The following NCOR1 variants were observed in gnomAD, a reference collection of about 807,000 sequenced individuals.
NCOR1 encodes the protein protein phosphatase 1, regulatory subunit 109.
Under a neutral mutation model 288.1 loss-of-function variants are expected in NCOR1, and 63 were observed. That is an observed-to-expected ratio of 0.22 (90% CI 0.18 to 0.27). The LOEUF (loss-of-function observed/expected upper bound fraction) is 0.27. Ranked by LOEUF, NCOR1 falls within the 10% of genes least tolerant of loss-of-function variation. The pLI is 1.00. For synonymous variants in NCOR1, 1,007 were observed against 1,065.9 expected (o/e 0.94, Z 1.08); for missense variants, 2,397 against 3,019.2 (o/e 0.79, Z 4.83).
Position 16,086,272 on chromosome 17 carries a change from G to A in NCOR1, c.3177+10C>T. ...AACAAGAAATCTACTGTAAAGAGAA[G>A]TCGTTTCACCTGTGAGATGGAGCCT... On this transcript the variant is annotated intron_variant, in intron 23 of 45. Transcript: ENST00000268712. 6.2e-7 allele frequency: 1 copy of A among 1,612,392 alleles called. No homozygotes were observed. Among genetic ancestry groups the A allele is most frequent in the Non-Finnish European group, 8.5e-7 (1 of 1,179,082 alleles).
At chr17:16,172,943 A>G (rs1337180398) in intron 3 of NCOR1, among the ~76,000 whole-genome samples, 1 of 152,144 alleles carries the variant, frequency 6.6e-6, no homozygotes, top group Admixed American at 6.5e-5. Context: ...TGAATGCTAA[A>G]TTCTTTTTTT....
intron 42 of NCOR1, 195 bp from the exon 43 acceptor site, chr17:16,040,689 C>A (rs1424027921): frequency 1.6e-6 from 1 of 608,134 alleles, no homozygotes; most frequent in Non-Finnish European, 3.0e-6. Context: ...GTTGCCCAGG[C>A]TATTTTTAAA....
rs952379999 is a variant in NCOR1 at position 16,165,338 on chromosome 17, G to C, written c.436-177C>G. 3.7e-4 allele frequency among the ~76,000 whole-genome samples: 57 copies of C among 152,120 alleles called. 1 individual carries two copies. Among genetic ancestry groups the C allele is most frequent in the African/African-American group, 1.3e-3 (55 of 41,406 alleles). Reference sequence around the variant, plus strand: ...TGCAAATTCTCACCTCACTTTTATAGTTTAGATATACCATGTACTATTTTG... The same window carrying C: ...TGCAAATTCTCACCTCACTTTTATACTTTAGATATACCATGTACTATTTTG... On this transcript the variant is annotated intron_variant, in intron 4 of 45. Transcript: ENST00000268712.
At chr17:16,035,552 T>TA (rs1328195947) in intron 44 of NCOR1, among the ~76,000 whole-genome samples, 4 of 147,098 alleles carry the variant, frequency 2.7e-5, no homozygotes, top group Non-Finnish European at 4.5e-5. Context: ...TTTTTTTTTT[T>TA]AAGGCAGGGT....
intron 21 of NCOR1, among the ~76,000 whole-genome samples, chr17:16,094,028 C>T (rs934517272): frequency 6.6e-6 from 1 of 152,046 alleles, no homozygotes; most frequent in Non-Finnish European, 1.5e-5. Context: ...CCACCTCAGC[C>T]TCCCAACCAC....
At chr17:16,098,687 TAAAG>T in intron 20 of NCOR1, 191 bp from the exon 21 acceptor site, 2 of 418,828 alleles carry the variant, frequency 4.8e-6, no homozygotes, top group Non-Finnish European at 8.3e-6. Context: ...ATTTTCCAGA[TAAAG>T]AAACTGAATA....
At chr17:16,164,061 A>C (rs2081472417) in intron 5 of NCOR1, among the ~76,000 whole-genome samples, 1 of 152,100 alleles carries the variant, frequency 6.6e-6, no homozygotes, top group African/African-American at 2.4e-5. Context: ...TTCTAGAATT[A>C]GAGAGTGGTG....
At chr17:16,098,572 TAAG>T in intron 20 of NCOR1, 76 bp from the exon 21 acceptor site, 3 of 1,329,788 alleles carry the variant, frequency 2.3e-6, no homozygotes, top group Non-Finnish European at 3.1e-6. Flanking sequence ...TAAGTTCTTC[TAAG>T]TTAGTATGTA....
intron 3 of NCOR1, among the ~76,000 whole-genome samples, chr17:16,183,976 A>C (rs1444999949): frequency 6.6e-6 from 1 of 152,210 alleles, no homozygotes; most frequent in African/African-American, 2.4e-5. Context: ...ACAGCAACAC[A>C]GTGGGGAAAG....
chr17:16,107,657 C>T (rs1320265848), intron 19 of NCOR1, among the ~76,000 whole-genome samples: 1 of 152,154 alleles, frequency 6.6e-6, no homozygotes, highest in Non-Finnish European at 1.5e-5. Flanking sequence ...GGAATACTAG[C>T]CACCAGAAAC....
intron 31 of NCOR1, among the ~76,000 whole-genome samples, chr17:16,069,905 A>G (rs2061551438): frequency 6.6e-6 from 1 of 152,216 alleles, no homozygotes; most frequent in Non-Finnish European, 1.5e-5. Context: ...ATTGGCTGAA[A>G]ATCCACTCTA....
intron 14 of NCOR1, among the ~76,000 whole-genome samples, chr17:16,127,379 A>ATACATATATGTATATG (rs2074551332): frequency 2.9e-5 from 1 of 34,816 alleles, no homozygotes; most frequent in African/African-American, 8.5e-5. Flanking sequence ...GTATGTATAT[A>ATACATATATGTATATG]TGTATGTATA....
At position 16,058,467 on chromosome 17, in the gene NCOR1, A is replaced by G. The variant is rs1275053171; in HGVS notation, c.6010+4T>C. 1 of 1,611,880 alleles carries G rather than the reference A, an allele frequency of 6.2e-7. No individual in the cohort carries two copies. ...CATGTAAATGGTAGCTTAAGAAGAC[A>G]TACTTTCCGCTTGATTTGCCTTAAC... On this transcript the variant is annotated splice_donor_region_variant and intron_variant, in intron 38 of 45. Transcript: ENST00000268712.
intron 44 of NCOR1, among the ~76,000 whole-genome samples, chr17:16,038,254 C>T (rs1157482488): frequency 6.6e-6 from 1 of 152,046 alleles, no homozygotes; most frequent in Admixed American, 6.6e-5. Flanking sequence ...AAGATTAAAG[C>T]TTAGGATTAT....
At chr17:16,094,759 G>A (rs1220458522) in intron 21 of NCOR1, among the ~76,000 whole-genome samples, 1 of 152,234 alleles carries the variant, frequency 6.6e-6, no homozygotes, top group Non-Finnish European at 1.5e-5. Context: ...TGGAGACGGG[G>A]TTTCGCTGTG....
intron 30 of NCOR1, among the ~76,000 whole-genome samples, chr17:16,070,938 A>G (rs1178414570): frequency 6.6e-6 from 1 of 152,096 alleles, no homozygotes; most frequent in Non-Finnish European, 1.5e-5. Context: ...CTGGGGCAGG[A>G]GAATCGCTTG....
chr17:16,065,384 C>G, intron 33 of NCOR1, 101 bp downstream of exon 33: 1 of 1,298,298 alleles, frequency 7.7e-7, no homozygotes, highest in Non-Finnish European at 1.1e-6. Flanking sequence ...TCTTTTCTTT[C>G]TTTCTTTCCA....
At chr17:16,093,128 C>T (rs2065712957) in intron 21 of NCOR1, among the ~76,000 whole-genome samples, 1 of 152,236 alleles carries the variant, frequency 6.6e-6, no homozygotes, top group South Asian at 2.1e-4. Flanking sequence ...AACAACTCCA[C>T]TTGGGATATC....
At chr17:16,117,745 C>A (rs2071999701) in intron 18 of NCOR1, 143 bp downstream of exon 18, 1 of 847,758 alleles carries the variant, frequency 1.2e-6, no homozygotes, top group South Asian at 3.1e-5. Flanking sequence ...TTGCTTGAAT[C>A]CGGGAGGAAG....
Sources: allele counts gnomAD v4.1 joint callset (sites outside exome capture counted in the v4.1 genomes callset), GRCh38; gene constraint gnomAD v4.1.1; transcripts MANE v1.5; gene names NCBI Gene and HGNC (gene_info 2026-07-23, HGNC 2026-07-21).